MRTFB: variants seen among roughly 807,000 people sequenced by gnomAD.
The protein encoded by MRTFB is myocardin-related transcription factor B.
In MRTFB, 29 loss-of-function variants were observed where a neutral mutation model predicts 104.2. The observed-to-expected ratio is 0.28, with a 90% CI of 0.21 to 0.38. MRTFB has a LOEUF of 0.38. Among genes scored for constraint, MRTFB ranks in the 10% least tolerant of loss-of-function variants. MRTFB has a pLI of 1.00. For missense variants in MRTFB, 1,270 were observed against 1,341.6 expected, an observed-to-expected ratio of 0.95 and a Z score of 0.83; for synonymous variants, 535 against 519.5, an observed-to-expected ratio of 1.03 and a Z score of -0.41.
At chr16:14,165,173 T>G (rs1002879544) in intron 3 of MRTFB, among the ~76,000 whole-genome samples, 1 of 151,892 alleles carries the variant, frequency 6.6e-6, no homozygotes, top group African/African-American at 2.4e-5. Flanking sequence ...TTTAGAGAAT[T>G]CAGTTGCTTG....
the MRTFB span, among the ~76,000 whole-genome samples, chr16:14,038,808 G>A: frequency 1.3e-5 from 2 of 152,322 alleles, no homozygotes; most frequent in Non-Finnish European, 1.5e-5. Context: ...CTGAGACAGT[G>A]TAATTTATAA....
chr16:14,071,693 G>A (rs950547109), intron 1 of MRTFB, among the ~76,000 whole-genome samples: 1 of 152,180 alleles, frequency 6.6e-6, no homozygotes, highest in South Asian at 2.1e-4. Context: ...GCTGTGTGCC[G>A]GGCACTTAAG....
At chr16:14,160,832 T>C (rs139555208) in intron 3 of MRTFB, among the ~76,000 whole-genome samples, 86 of 152,302 alleles carry the variant, frequency 5.6e-4, no homozygotes, top group African/African-American at 1.7e-3. Flanking sequence ...ACCCCTTTCA[T>C]GGTGGTTTTT....
chr16:14,140,923 C>G (rs897362913), intron 3 of MRTFB, 163 bp downstream of exon 3: 5 of 620,518 alleles, frequency 8.1e-6, no homozygotes, highest in African/African-American at 5.5e-5. Context: ...GGCAGAATTT[C>G]ACTTTCCATT....
At chr16:14,054,239 T>A in the MRTFB span, among the ~76,000 whole-genome samples, 1 of 152,082 alleles carries the variant, frequency 6.6e-6, no homozygotes, top group Non-Finnish European at 1.5e-5. Context: ...ATTTTTAAGA[T>A]GGAGTCTCGC....
intron 2 of MRTFB, among the ~76,000 whole-genome samples, chr16:14,117,946 T>G (rs1183801797): frequency 6.6e-6 from 1 of 152,184 alleles, no homozygotes; most frequent in Non-Finnish European, 1.5e-5. Flanking sequence ...TTAAAGTATT[T>G]CATGAATACA....
At chr16:14,231,690 T>C (rs528769158) in intron 8 of MRTFB, among the ~76,000 whole-genome samples, 1 of 152,322 alleles carries the variant, frequency 6.6e-6, no homozygotes, top group South Asian at 2.1e-4. Flanking sequence ...GCTCCAGGCC[T>C]GGATACTCTT....
intron 8 of MRTFB, among the ~76,000 whole-genome samples, chr16:14,229,461 T>TA (rs1247306146): frequency 1.3e-5 from 2 of 152,228 alleles, no homozygotes; most frequent in Non-Finnish European, 2.9e-5. Flanking sequence ...ATTATTGACT[T>TA]AAAATCTATA....
intron 3 of MRTFB, chr16:14,170,115 T>C (rs1387052013): frequency 1.3e-5 from 2 of 152,224 alleles, no homozygotes; most frequent in Admixed American, 6.5e-5. Flanking sequence ...TTTTTATGGC[T>C]TCCTTTTCTC....
intron 3 of MRTFB, chr16:14,151,275 T>C (rs1334950628): frequency 6.6e-6 from 1 of 152,222 alleles, no homozygotes; most frequent in East Asian, 1.9e-4. Flanking sequence ...ATGATAAAAA[T>C]AGACTAGTTT....
intron 3 of MRTFB, among the ~76,000 whole-genome samples, chr16:14,171,181 T>C (rs1158133080): frequency 1.3e-5 from 2 of 152,194 alleles, no homozygotes; most frequent in Non-Finnish European, 2.9e-5. Flanking sequence ...AGCCAGCCAT[T>C]TCTTGAAGAA....
intron 2 of MRTFB, among the ~76,000 whole-genome samples, chr16:14,125,205 C>T (rs1029080809): frequency 1.3e-5 from 2 of 152,202 alleles, no homozygotes; most frequent in African/African-American, 4.8e-5. Flanking sequence ...GATGAATGCC[C>T]ACTGTTGTCT....
intron 2 of MRTFB, among the ~76,000 whole-genome samples, chr16:14,090,582 G>A (rs2034995690): frequency 6.6e-6 from 1 of 152,156 alleles, no homozygotes; most frequent in South Asian, 2.1e-4. Flanking sequence ...GTGCCAGGAG[G>A]GGGAAGGGAG....
chr16:14,236,173 A>C (rs558225491), intron 9 of MRTFB, among the ~76,000 whole-genome samples: 9 of 152,210 alleles, frequency 5.9e-5, no homozygotes, highest in Non-Finnish European at 1.2e-4. Context: ...CCTGGGTGAC[A>C]GAGTGAGACC....
the MRTFB span, chr16:14,020,342 G>A: frequency 6.6e-6 from 1 of 152,096 alleles, no homozygotes; most frequent in Non-Finnish European, 1.5e-5. Flanking sequence ...ACCTTGTCGT[G>A]TAGTCTTTCA....
At chr16:14,002,349 C>CTCCA in the MRTFB span, among the ~76,000 whole-genome samples, 1 of 151,712 alleles carries the variant, frequency 6.6e-6, no homozygotes. Flanking sequence ...TGCCACTGCA[C>CTCCA]TCCAGCCTGG....
At chr16:14,012,260 G>A in the MRTFB span, among the ~76,000 whole-genome samples, 218 of 146,242 alleles carry the variant, frequency 1.5e-3, no homozygotes, top group African/African-American at 5.4e-3. Context: ...ACAGAGTCTC[G>A]GGCAGGCAAC....
chr16:14,251,711 C>T (rs2151431900), intron 13 of MRTFB, 151 bp from the exon 14 acceptor site: 2 of 736,414 alleles, frequency 2.7e-6, no homozygotes, highest in South Asian at 1.9e-5. Context: ...GTGGTAACAA[C>T]AGAGGCCAGG....
At chr16:14,112,455 T>A (rs533751967) in intron 2 of MRTFB, among the ~76,000 whole-genome samples, 1 of 152,202 alleles carries the variant, frequency 6.6e-6, no homozygotes, top group Non-Finnish European at 1.5e-5. Flanking sequence ...ACAACAGTGA[T>A]GAGCTGGCTC....
Sources: gnomAD v4.1 joint callset for allele counts (sites outside exome capture counted in the v4.1 genomes callset) on GRCh38, gnomAD v4.1.1 for gene constraint, MANE v1.5 for transcripts, NCBI Gene and HGNC (gene_info 2026-07-23, HGNC 2026-07-21) for gene names.